The following ARHGAP24 variants were observed in gnomAD, a reference collection of about 807,000 sequenced individuals.
ARHGAP24 encodes the protein rho GTPase-activating protein 24.
In ARHGAP24, 50 loss-of-function variants were observed where a neutral mutation model predicts 76.4. The ratio of observed to expected loss-of-function variants is 0.65; its 90% CI spans 0.52 to 0.83. ARHGAP24 has a LOEUF of 0.83. Among genes scored for constraint, ARHGAP24 ranks in the 40% least tolerant of loss-of-function variants. ARHGAP24 has a pLI of 0.00. For synonymous variants in ARHGAP24, 345 were observed against 323.3 expected (o/e 1.07, Z -0.72); for missense variants, 930 against 914.2 (o/e 1.02, Z -0.22).
At chr4:85,680,573 C>T (rs1723169054) in intron 2 of ARHGAP24, among the ~76,000 whole-genome samples, 1 of 152,054 alleles carries the variant, frequency 6.6e-6, no homozygotes, top group Admixed American at 6.6e-5. Flanking sequence ...ATTATGTACC[C>T]ACATAGCACC....
intron 2 of ARHGAP24, among the ~76,000 whole-genome samples, chr4:85,647,051 G>A (rs542019718): frequency 3.3e-5 from 5 of 152,204 alleles, no homozygotes; most frequent in Admixed American, 2.0e-4. Context: ...TGGAATTGAG[G>A]AATTGGGAAG....
chr4:85,974,985 C>T lies in ARHGAP24; in HGVS notation c.806+24C>T, dbSNP rs373498458. 9.3e-5 allele frequency: 149 copies of T among 1,594,690 alleles called. 1 individual carries two copies. The highest frequency in any genetic ancestry group is 1.2e-4 in the Non-Finnish European group (139 of 1,163,000). ...AGGTAAGAACTGTCCTAAGGACAAA[C>T]GTAAACAAGACAAGACATATTTAGC... is the stretch of plus-strand genomic sequence containing the variant. On this transcript the variant is annotated intron_variant, in intron 7 of 9. Coordinates refer to ENST00000395184, the MANE Select transcript of ARHGAP24 (RefSeq NM_001025616.3).
intron 5 of ARHGAP24, among the ~76,000 whole-genome samples, chr4:85,953,352 A>G (rs1270474213): frequency 1.3e-5 from 2 of 152,204 alleles, no homozygotes; most frequent in Non-Finnish European, 2.9e-5. Flanking sequence ...ACAGAGATAA[A>G]ATGAAAAAAT....
chr4:85,738,985 A>G (rs748745763), intron 3 of ARHGAP24, among the ~76,000 whole-genome samples: 3 of 152,212 alleles, frequency 2.0e-5, no homozygotes, highest in Non-Finnish European at 4.4e-5. Flanking sequence ...TTTTAGCTGG[A>G]GGGAGGATCC....
At chr4:85,774,999 G>A (rs372591608) in intron 3 of ARHGAP24, among the ~76,000 whole-genome samples, 10 of 152,034 alleles carry the variant, frequency 6.6e-5, no homozygotes, top group South Asian at 2.1e-4. Flanking sequence ...TTTATATATC[G>A]TGATATCTTT....
chr4:85,645,669 C>T (rs949616285), intron 2 of ARHGAP24, among the ~76,000 whole-genome samples: 13 of 151,882 alleles, frequency 8.6e-5, no homozygotes, highest in East Asian at 5.8e-4. Context: ...TCATTTTAAC[C>T]GTAAAAAGAA....
At chr4:85,888,988 G>A (rs1367529763) in intron 3 of ARHGAP24, among the ~76,000 whole-genome samples, 3 of 152,122 alleles carry the variant, frequency 2.0e-5, no homozygotes, top group African/African-American at 7.2e-5. Context: ...GTTTTCCATA[G>A]GGTATATGTA....
intron 2 of ARHGAP24, among the ~76,000 whole-genome samples, chr4:85,691,215 G>A (rs1020250852): frequency 2.0e-5 from 3 of 151,826 alleles, no homozygotes; most frequent in Non-Finnish European, 2.9e-5. Context: ...GAGTATGCTT[G>A]GTATGACTTT....
intron 3 of ARHGAP24, among the ~76,000 whole-genome samples, chr4:85,807,996 G>A (rs1173437289): frequency 2.0e-5 from 3 of 152,074 alleles, no homozygotes; most frequent in South Asian, 4.1e-4. Context: ...GTGTTGAGGT[G>A]TCTTTCTTGA....
chr4:85,675,507 G>A (rs1387084129), intron 2 of ARHGAP24, among the ~76,000 whole-genome samples: 1 of 152,120 alleles, frequency 6.6e-6, no homozygotes, highest in Non-Finnish European at 1.5e-5. Flanking sequence ...AACCTGGAAG[G>A]GTCTGTGAGA....
chr4:85,707,022 C>T (rs1171548700), intron 2 of ARHGAP24, among the ~76,000 whole-genome samples: 2 of 152,122 alleles, frequency 1.3e-5, no homozygotes, highest in African/African-American at 4.8e-5. Flanking sequence ...TAACGTTATC[C>T]TCCTGCCTCA....
At chr4:85,894,205 G>A (rs1734008893) in intron 3 of ARHGAP24, among the ~76,000 whole-genome samples, 2 of 150,872 alleles carry the variant, frequency 1.3e-5, no homozygotes, top group South Asian at 4.3e-4. Flanking sequence ...AGTTAATATA[G>A]TACATCTGGA....
chr4:85,555,961 T>C (rs1726344065), intron 1 of ARHGAP24, among the ~76,000 whole-genome samples: 1 of 152,132 alleles, frequency 6.6e-6, no homozygotes, highest in Non-Finnish European at 1.5e-5. Flanking sequence ...TTGCTCCTTT[T>C]CCAGTCTGAG....
At chr4:85,697,873 C>T (rs1189313552) in intron 2 of ARHGAP24, among the ~76,000 whole-genome samples, 1 of 152,116 alleles carries the variant, frequency 6.6e-6, no homozygotes, top group African/African-American at 2.4e-5. Context: ...GTCAGAGAGT[C>T]ATTAAAATTA....
chr4:85,581,883 A>G (rs2109972664), intron 2 of ARHGAP24, among the ~76,000 whole-genome samples: 1 of 152,138 alleles, frequency 6.6e-6, no homozygotes, highest in East Asian at 1.9e-4. Context: ...TATGGACTTT[A>G]TTCTTCTATT....
At chr4:85,742,070 G>C (rs1226302046) in intron 3 of ARHGAP24, among the ~76,000 whole-genome samples, 3 of 152,202 alleles carry the variant, frequency 2.0e-5, no homozygotes, top group Non-Finnish European at 4.4e-5. Flanking sequence ...AGTCACGAAG[G>C]AGCTGGAACA....
intron 3 of ARHGAP24, 38 bp from the exon 4 acceptor site, chr4:85,923,610 G>A (rs368446687): frequency 4.3e-6 from 7 of 1,612,592 alleles, no homozygotes; most frequent in Non-Finnish European, 5.9e-6. Flanking sequence ...GGAATCTCTG[G>A]ATGCAACTTC....
intron 2 of ARHGAP24, among the ~76,000 whole-genome samples, chr4:85,638,381 TC>T (rs1451632384): frequency 6.6e-6 from 1 of 152,192 alleles, no homozygotes; most frequent in East Asian, 1.9e-4. Context: ...TTAATATTCT[TC>T]TTGCTTAACA....
At chr4:85,731,426 A>G (rs1227048820) in intron 3 of ARHGAP24, among the ~76,000 whole-genome samples, 1 of 152,202 alleles carries the variant, frequency 6.6e-6, no homozygotes, top group African/African-American at 2.4e-5. Context: ...GCTGTCATGT[A>G]GTGTATGCTT....
Sources: allele counts gnomAD v4.1 joint callset (sites outside exome capture counted in the v4.1 genomes callset), GRCh38; gene constraint gnomAD v4.1.1; transcripts MANE v1.5; gene names NCBI Gene and HGNC (gene_info 2026-07-23, HGNC 2026-07-21).